The following MAP3K9 variants were observed in gnomAD, a reference collection of about 807,000 sequenced individuals.
The protein encoded by MAP3K9 is mitogen-activated protein kinase kinase kinase 9, also known as mixed lineage kinase 1 (tyr and ser/thr specificity).
A neutral mutation model predicts 95.8 loss-of-function variants in MAP3K9; 46 were observed. That is an observed-to-expected ratio of 0.48 (90% CI 0.38 to 0.61). The LOEUF (loss-of-function observed/expected upper bound fraction) is 0.61, where lower values mean the gene tolerates loss of function less well. Among genes scored for constraint, MAP3K9 ranks in the 20% least tolerant of loss-of-function variants. The probability of loss-of-function intolerance (pLI) is 0.00; values close to 1 mark genes in which losing one functional copy is unlikely to be tolerated. For missense variants in MAP3K9, 1,296 were observed against 1,474.3 expected, an observed-to-expected ratio of 0.88 and a Z score of 1.98; for synonymous variants, 533 against 593.8, an observed-to-expected ratio of 0.90 and a Z score of 1.49.
chr14:70,792,183 C>T (rs891353014), intron 2 of MAP3K9, among the ~76,000 whole-genome samples: 1 of 152,216 alleles, frequency 6.6e-6, no homozygotes, highest in African/African-American at 2.4e-5. Flanking sequence ...CTCTGAGACA[C>T]GCCAGGTGGC....
intron 3 of MAP3K9, among the ~76,000 whole-genome samples, chr14:70,757,443 T>A (rs1250850890): frequency 4.2e-5 from 6 of 141,482 alleles, no homozygotes; most frequent in Non-Finnish European, 6.0e-5. Flanking sequence ...CTCAAGCAAT[T>A]GAGACCCTGT....
chr14:70,809,007 G>C lies in MAP3K9; in HGVS notation c.165C>G (p.Pro55=), dbSNP rs1015039634. Residue 55 remains proline (P), a synonymous_variant, in exon 1 of 12, where the codon CCC becomes CCG. Coordinates refer to ENST00000554752, the MANE Select transcript of MAP3K9 (RefSeq NM_001284230.2). ...CGTACTCGAACACGGCCGTCCAGTA[G>C]GGCAGCGGCGCGTCGCAGCCCAGCT... is the stretch of plus-strand genomic sequence containing the variant. ...PGELGCDAPL[P]YWTAVFEYEA... The C allele has an allele frequency of 6.5e-7, 1 of 1,528,044 alleles. No homozygotes were observed. Among genetic ancestry groups the C allele is most frequent in the Non-Finnish European group, 8.7e-7 (1 of 1,144,200 alleles). The allele number at this position is 1,528,044 out of a possible 1,614,324, so 94.7% of individuals were successfully genotyped here. A position where few individuals can be genotyped will look rare whatever the true frequency, so the allele number is the denominator to read the frequency against.
intron 4 of MAP3K9, 34 bp downstream of exon 4, chr14:70,749,899 G>T: frequency 1.2e-6 from 2 of 1,613,774 alleles, no homozygotes; most frequent in East Asian, 2.2e-5. Flanking sequence ...GAGGCAAAGT[G>T]TCTCCAGTTT....
rs1443507372 is a variant in MAP3K9 at position 70,723,607 on chromosome 14, T to C, written c.*6773A>G. ...GCTCAGAGGAAAAAGAGAGGTGACT[T>C]TGGAACCAAGCAGATCAGCAACTTG... On this transcript the variant is annotated 3_prime_UTR_variant, in exon 12 of 12. Coordinates refer to ENST00000554752, the MANE Select transcript of MAP3K9 (RefSeq NM_001284230.2). 2.0e-5 allele frequency: 3 copies of C among 152,082 alleles called. No homozygotes were observed. Among genetic ancestry groups the C allele is most frequent in the Non-Finnish European group, 4.4e-5 (3 of 68,028 alleles). The allele number at this position is 152,082 out of a possible 1,614,324, so 9.4% of individuals were successfully genotyped here. A position where few individuals can be genotyped will look rare whatever the true frequency, so the allele number is the denominator to read the frequency against.
rs542959089 is a variant in MAP3K9, at chr14:70,791,446, C to T, written c.820+9221G>A. Among the ~76,000 whole-genome samples, 6 of 152,318 alleles carry T rather than the reference C, an allele frequency of 3.9e-5. No individual in the cohort carries two copies. In the South Asian group the frequency reaches 1.2e-3, roughly 32 times the overall value. On this transcript the variant is annotated intron_variant, in intron 2 of 11. Transcript: ENST00000554752. ...ATAGGAAGAAGAGGCAGGCAGAACT[C>T]TAGAGCAACCGCTGGGAAATGAAGG...
At chr14:70,803,206 A>G (rs1030084691) in intron 1 of MAP3K9, among the ~76,000 whole-genome samples, 4 of 152,000 alleles carry the variant, frequency 2.6e-5, no homozygotes, top group African/African-American at 9.7e-5. Context: ...TGCTTCCCGT[A>G]CAGGCTGCAG....
At chr14:70,757,618 G>T (rs941113533) in intron 3 of MAP3K9, among the ~76,000 whole-genome samples, 1 of 151,980 alleles carries the variant, frequency 6.6e-6, no homozygotes, top group Non-Finnish European at 1.5e-5. Context: ...TCAAAGAGAA[G>T]AACAAAATTG....
At chr14:70,794,258 C>A (rs1345727062) in intron 2 of MAP3K9, among the ~76,000 whole-genome samples, 1 of 152,198 alleles carries the variant, frequency 6.6e-6, no homozygotes, top group Non-Finnish European at 1.5e-5. Context: ...GTGTGCCTAG[C>A]CCCAAACCAA....
At position 70,742,473 on chromosome 14, in the gene MAP3K9, C is replaced by A. The variant is rs754071935; in HGVS notation, c.1445G>T (p.Arg482Leu). The change falls in exon 6 of 12, where the codon CGG (arginine) becomes CTG (leucine). Residue 482 changes from arginine (R) to leucine (L), a missense_variant. Arg to Leu is a moderately radical substitution (Grantham distance 102, BLOSUM62 -2). Coordinates refer to ENST00000554752, the MANE Select transcript of MAP3K9 (RefSeq NM_001284230.2). ...CTGGTGGATGATGATGTTGAGCTCC[C>A]GTTCCAGGATGTCAATCTCCCGCTC... ...LAEREIDILE[R>L]ELNIIIHQLC... The A allele has an allele frequency of 1.9e-6, 3 of 1,614,100 alleles. No individual in the cohort carries two copies. Among genetic ancestry groups the A allele is most frequent in the Non-Finnish European group, 2.5e-6 (3 of 1,180,050 alleles).
Position 70,808,864 on chromosome 14 carries a change from A to G in MAP3K9, c.308T>C (p.Val103Ala). ...CACGTAGTTGCTGGGGAAGATGCCC[A>G]CCCGCTGGTTCAGCTGCCCGGTCCA... ...GWWTGQLNQR[V>A]GIFPSNYVTP... is the part of the protein sequence containing the mutation. The change falls in exon 1 of 12, where the codon GTG (valine) becomes GCG (alanine). Residue 103 changes from valine to alanine, a missense_variant. This residue lies in a region of MAP3K9 where 338 missense variants were observed against 363.4 expected (regional missense o/e 0.93). Transcript: ENST00000554752. 6.3e-7 allele frequency: 1 copy of G among 1,597,872 alleles called. No individual in the cohort carries two copies. The highest frequency in any genetic ancestry group is 8.5e-7 in the Non-Finnish European group (1 of 1,175,450).
intron 3 of MAP3K9, among the ~76,000 whole-genome samples, chr14:70,752,120 C>T (rs905012118): frequency 1.3e-5 from 2 of 152,120 alleles, no homozygotes; most frequent in African/African-American, 2.4e-5. Context: ...AACAAAAAGC[C>T]TGGTAGCCAG....
At chr14:70,779,494 C>T (rs1291715177) in intron 2 of MAP3K9, among the ~76,000 whole-genome samples, 4 of 152,142 alleles carry the variant, frequency 2.6e-5, no homozygotes, top group African/African-American at 9.7e-5. Flanking sequence ...TAGGAAATCT[C>T]TCTGACATCA....
chr14:70,809,021 C>A lies in MAP3K9; in HGVS notation c.151G>T (p.Asp51Tyr). The change falls in exon 1 of 12, where the codon GAC becomes TAC. Residue 51 changes from aspartate to tyrosine, a missense_variant. Asp to Tyr is a radical substitution (Grantham distance 160). Transcript: ENST00000554752. The part of the protein sequence containing the change: ...AAVGPGELGC[D>Y]APLPYWTAVF... ...GCCGTCCAGTAGGGCAGCGGCGCGT[C>A]GCAGCCCAGCTCCCCGGGGCCCACC... The A allele has an allele frequency of 6.6e-7, 1 of 1,507,224 alleles. No individual in the cohort carries two copies. The highest frequency in any genetic ancestry group is 8.8e-7 in the Non-Finnish European group (1 of 1,133,876). 93.4% of individuals were successfully genotyped at this position (1,507,224 alleles called of 1,614,324 possible).
rs1159903582 is a variant in MAP3K9 at position 70,723,854 on chromosome 14, C to G, written c.*6526G>C. The G allele has an allele frequency of 6.6e-6, 1 of 152,160 alleles. No individual in the cohort carries two copies. Among genetic ancestry groups the G allele is most frequent in the Non-Finnish European group, 1.5e-5 (1 of 68,048 alleles). The allele number at this position is 152,160 out of a possible 1,614,324, so 9.4% of individuals were successfully genotyped here. ...TAACTAGGCCAGGATACATCTTTGCCTCACTCTGATGGTGATGAAGAAAAG... is the reference window on the plus strand; with the variant it reads ...TAACTAGGCCAGGATACATCTTTGCGTCACTCTGATGGTGATGAAGAAAAG... On this transcript the variant is annotated 3_prime_UTR_variant, in exon 12 of 12. Coordinates refer to ENST00000554752, the MANE Select transcript of MAP3K9 (RefSeq NM_001284230.2).
chr14:70,763,175 A>G (rs2054397896), intron 2 of MAP3K9, among the ~76,000 whole-genome samples: 1 of 152,214 alleles, frequency 6.6e-6, no homozygotes, highest in Non-Finnish European at 1.5e-5. Context: ...AAAATGTAAG[A>G]ATGTTTTATC....
chr14:70,769,692 C>A (rs1169860613), intron 2 of MAP3K9, among the ~76,000 whole-genome samples: 1 of 152,174 alleles, frequency 6.6e-6, no homozygotes, highest in African/African-American at 2.4e-5. Flanking sequence ...CTCGTAGCAG[C>A]GTTAAGTCTA....
At chr14:70,794,177 GCCT>G (rs2054836868) in intron 2 of MAP3K9, among the ~76,000 whole-genome samples, 2 of 152,194 alleles carry the variant, frequency 1.3e-5, no homozygotes, top group Non-Finnish European at 2.9e-5. Context: ...AGAAGAAAGT[GCCT>G]CTAGAAGAAG....
At chr14:70,807,045 A>G (rs1328582579) in intron 1 of MAP3K9, among the ~76,000 whole-genome samples, 1 of 152,254 alleles carries the variant, frequency 6.6e-6, no homozygotes, top group African/African-American at 2.4e-5. Context: ...GATCAAAATG[A>G]AGAAAAATGA....
chr14:70,808,190 A>C (rs1314091095), intron 1 of MAP3K9, among the ~76,000 whole-genome samples: 1 of 152,218 alleles, frequency 6.6e-6, no homozygotes, highest in East Asian at 1.9e-4. Context: ...CTGAGATATA[A>C]GAAATAGGAT....
Sources: gnomAD v4.1 joint callset for allele counts (sites outside exome capture counted in the v4.1 genomes callset) on GRCh38, gnomAD v4.1.1 for gene constraint, gnomAD v4.1.1 regional missense constraint, MANE v1.5 for transcripts, NCBI Gene and HGNC (gene_info 2026-07-23, HGNC 2026-07-21) for gene names.